Variants in CD44 observed in about 807,000 individuals in gnomAD.
CD44 encodes CD44 antigen.
A neutral mutation model predicts 88.8 loss-of-function variants in CD44; 49 were observed. The observed-to-expected ratio is 0.55, with a 90% confidence interval of 0.44 to 0.70. CD44 has a LOEUF of 0.70. Ranked by LOEUF, CD44 falls within the 30% of genes least tolerant of loss-of-function variation. CD44 has a pLI of 0.00. For synonymous variants in CD44, 325 were observed against 312.3 expected (o/e 1.04, Z -0.43); for missense variants, 883 against 913.8 (o/e 0.97, Z 0.43).
In CD44 at chr11:35,189,828, C is replaced by G; in HGVS notation, c.437-7C>G. 3 of 1,592,856 alleles carry G rather than the reference C, an allele frequency of 1.9e-6. No homozygotes were observed. Among genetic ancestry groups the G allele is most frequent in the Non-Finnish European group, 2.6e-6 (3 of 1,161,920 alleles). On this transcript the variant is annotated splice_polypyrimidine_tract_variant and splice_region_variant and intron_variant, in intron 4 of 17. Coordinates refer to ENST00000428726, the MANE Select transcript of CD44 (RefSeq NM_000610.4). ...GAAGTTCTGTAAGTACCTTTTCTCT[C>G]TCCCAGCTATTGTTAACCGTGATGG...
chr11:35,141,479 C>T (rs974586834), intron 1 of CD44, among the ~76,000 whole-genome samples: 4 of 152,034 alleles, frequency 2.6e-5, no homozygotes, highest in African/African-American at 9.7e-5. Context: ...AGAAGAGGGC[C>T]CTGGTGGTTT....
chr11:35,171,154 TG>T (rs576871152), intron 1 of CD44, among the ~76,000 whole-genome samples: 11 of 152,230 alleles, frequency 7.2e-5, no homozygotes, highest in Non-Finnish European at 1.6e-4. Context: ...GGTAATAATT[TG>T]GGTTTGCGTT....
At chr11:35,156,152 G>A (rs1941833525) in intron 1 of CD44, among the ~76,000 whole-genome samples, 1 of 152,124 alleles carries the variant, frequency 6.6e-6, no homozygotes, top group Admixed American at 6.5e-5. Flanking sequence ...CTCTTTCATA[G>A]GCAGGAAAAA....
At chr11:35,161,134 T>G (rs1280119756) in intron 1 of CD44, among the ~76,000 whole-genome samples, 1 of 152,220 alleles carries the variant, frequency 6.6e-6, no homozygotes, top group African/African-American at 2.4e-5. Flanking sequence ...TTAAGCTGCC[T>G]TTAATACACT....
At chr11:35,176,830 T>G in intron 2 of CD44, 90 bp downstream of exon 2, 2 of 1,256,372 alleles carry the variant, frequency 1.6e-6, no homozygotes, top group Non-Finnish European at 2.2e-6. Context: ...TTCCCACAGC[T>G]GAATGGATTA....
intron 1 of CD44, among the ~76,000 whole-genome samples, chr11:35,174,000 C>G (rs1225206900): frequency 6.6e-6 from 1 of 151,740 alleles, no homozygotes; most frequent in Non-Finnish European, 1.5e-5. Flanking sequence ...TGAGCTTCAC[C>G]CATAAATAAT....
rs1291148360 is a variant in CD44 at position 35,181,905 on chromosome 11, T to TATTATATATTATATATA, written c.367+1499_367+1500insTTATATATTATATATAA. ...ATAATTCTATATATAATATAATATA[T>TATTATATATTATATATA]AATATATATTATATATTATATTATA... is the stretch of plus-strand genomic sequence containing the variant. On this transcript the variant is annotated intron_variant, in intron 3 of 17. Transcript: ENST00000428726. Among the ~76,000 whole-genome samples the TATTATATATTATATATA allele has an allele frequency of 2.0e-3, 133 of 66,076 alleles. 3 individuals are homozygous for TATTATATATTATATATA. The highest frequency in any genetic ancestry group is 9.6e-3 in the African/African-American group (122 of 12,702). The allele number at this position is 66,076 out of a possible 152,430, so 43.3% of individuals were successfully genotyped here. A position where few individuals can be genotyped will look rare whatever the true frequency, so the allele number is the denominator to read the frequency against.
At chr11:35,159,598 T>C (rs959302165) in intron 1 of CD44, among the ~76,000 whole-genome samples, 1 of 152,240 alleles carries the variant, frequency 6.6e-6, no homozygotes, top group Non-Finnish European at 1.5e-5. Flanking sequence ...CTATCTGTTA[T>C]GATCCAGACT....
intron 1 of CD44, among the ~76,000 whole-genome samples, chr11:35,153,940 A>T (rs576445179): frequency 6.6e-6 from 1 of 152,244 alleles, no homozygotes; most frequent in East Asian, 1.9e-4. Flanking sequence ...AAGAAAAAAA[A>T]TTTTACTCCT....
intron 1 of CD44, among the ~76,000 whole-genome samples, chr11:35,149,027 G>A (rs182682275): frequency 6.6e-5 from 10 of 152,296 alleles, no homozygotes; most frequent in Middle Eastern, 3.4e-3. Flanking sequence ...GTTACACAAG[G>A]CAGGGGAAGT....
In CD44 at chr11:35,206,228, G is replaced by A. The variant is rs1057118277; in HGVS notation, c.1399G>A (p.Ala467Thr). Residue 467 changes from alanine to threonine, a missense_variant, in exon 11 of 18, where the codon GCA (alanine) becomes ACA (threonine). Physicochemically the swap from Ala to Thr is moderately conservative, Grantham distance 58. Coordinates refer to ENST00000428726, the MANE Select transcript of CD44 (RefSeq NM_000610.4). ...ACACCCCATGGGACGAGGTCATCAA[G>A]CAGGAAGAAGGATGGGTAATAGCCT... ...ISHPMGRGHQ[A>T]GRRMDMDSSH... is the part of the protein sequence containing the mutation. The A allele has an allele frequency of 1.9e-6, 3 of 1,608,950 alleles. No individual in the cohort carries two copies. Among genetic ancestry groups the A allele is most frequent in the African/African-American group, 2.7e-5 (2 of 74,518 alleles).
chr11:35,205,967 T>A lies in CD44; in HGVS notation c.1283-145T>A, dbSNP rs1312230806. 5 of 1,289,630 alleles carry A rather than the reference T, an allele frequency of 3.9e-6. No homozygotes were observed. The African/African-American group carries it at 7.7e-5, about 20-fold the overall frequency. The allele number at this position is 1,289,630 out of a possible 1,614,324, so 79.9% of individuals were successfully genotyped here. On this transcript the variant is annotated intron_variant, in intron 10 of 17. Transcript: ENST00000428726. ...CAAAGCTGCTGAAACATTCTGCGTTTATGCAACTTCCTTGCCCTCTATACA... is the reference window on the plus strand; with the variant it reads ...CAAAGCTGCTGAAACATTCTGCGTTAATGCAACTTCCTTGCCCTCTATACA...
chr11:35,213,425 C>A (rs914587802), intron 14 of CD44, among the ~76,000 whole-genome samples: 2 of 152,020 alleles, frequency 1.3e-5, no homozygotes, highest in Non-Finnish European at 2.9e-5. Flanking sequence ...TTGAAGCAAG[C>A]GGATCACTTG....
At chr11:35,204,335 T>C (rs920555569) in intron 9 of CD44, among the ~76,000 whole-genome samples, 177 bp from the exon 10 acceptor site, 1 of 152,208 alleles carries the variant, frequency 6.6e-6, no homozygotes, top group South Asian at 2.1e-4. Context: ...AAATTAAACA[T>C]TTGGATCATT....
At chr11:35,201,983 T>A (rs924585697) in intron 9 of CD44, among the ~76,000 whole-genome samples, 196 bp downstream of exon 9, 4 of 152,218 alleles carry the variant, frequency 2.6e-5, no homozygotes, top group African/African-American at 9.6e-5. Flanking sequence ...ACTCATCAGG[T>A]TGCCCAAAGG....
chr11:35,179,381 CA>C (rs955603939), intron 2 of CD44, among the ~76,000 whole-genome samples: 103 of 152,012 alleles, frequency 6.8e-4, no homozygotes, highest in African/African-American at 2.2e-3. Context: ...ATTTTATATT[CA>C]AAAAAAATTG....
At chr11:35,189,400 A>G (rs186636542) in intron 4 of CD44, among the ~76,000 whole-genome samples, 214 of 152,374 alleles carry the variant, frequency 1.4e-3, no homozygotes, top group African/African-American at 5.0e-3. Flanking sequence ...AATATATGGA[A>G]TTAATAGCAA....
Position 35,208,146 on chromosome 11 carries a change from A to G in CD44, c.1456A>G (p.Asn486Asp). 2 of 1,613,002 alleles carry G rather than the reference A, an allele frequency of 1.2e-6. No individual in the cohort carries two copies. Among genetic ancestry groups the G allele is most frequent in the Non-Finnish European group, 1.7e-6 (2 of 1,178,974 alleles). The change falls in exon 12 of 18, where the codon AAT (asparagine) becomes GAT (aspartate). Residue 486 changes from asparagine to aspartate, a missense_variant. Physicochemically the swap from Asn to Asp is conservative, Grantham distance 23. Transcript: ENST00000428726. ...SHSITLQPTA[N>D]PNTGLVEDLD... is the part of the protein sequence containing the mutation. ...TAGTATAACGCTTCAGCCTACTGCA[A>G]ATCCAAACACAGGTTTGGTGGAAGA...
rs531414525 is a variant in CD44, at chr11:35,221,536, C to T, written c.1946-118C>T. ...CTATTGGCTGGACCTATTGGCCAGA[C>T]CCCCCTGCAGCGCTGACTGTGGTGC... On this transcript the variant is annotated intron_variant, in intron 16 of 17. Transcript: ENST00000428726. 6.1e-6 allele frequency: 5 copies of T among 825,006 alleles called. No individual in the cohort carries two copies. The African/African-American group carries it at 8.3e-5, about 14-fold the overall frequency. The allele number at this position is 825,006 out of a possible 1,614,324, so 51.1% of individuals were successfully genotyped here.
Sources: allele counts gnomAD v4.1 joint callset (sites outside exome capture counted in the v4.1 genomes callset), GRCh38; gene constraint gnomAD v4.1.1; transcripts MANE v1.5; gene names NCBI Gene and HGNC (gene_info 2026-07-23, HGNC 2026-07-21).